The following PTPRG variants were observed in gnomAD, a reference collection of about 807,000 sequenced individuals.
PTPRG encodes receptor-type tyrosine-protein phosphatase gamma.
In PTPRG, 102 loss-of-function variants were observed where a neutral mutation model predicts 165.3. That is an observed-to-expected ratio of 0.62 (90% confidence interval 0.53 to 0.73). The LOEUF (loss-of-function observed/expected upper bound fraction) is 0.73, where lower values mean the gene tolerates loss of function less well. Among genes scored for constraint, PTPRG ranks in the 30% least tolerant of loss-of-function variants. The pLI, the probability that PTPRG is intolerant of heterozygous loss-of-function variation, is 0.00. For synonymous variants in PTPRG, 675 were observed against 669.5 expected (o/e 1.01, Z -0.13); for missense variants, 1,866 against 1,861.4 (o/e 1.00, Z -0.05).
At chr3:61,976,185 A>G (rs1038695409) in intron 2 of PTPRG, among the ~76,000 whole-genome samples, 13 of 152,220 alleles carry the variant, frequency 8.5e-5, no homozygotes, top group African/African-American at 3.1e-4. Context: ...AGAAATGAGG[A>G]TTCATAATAG....
chr3:61,860,380 C>CT (rs2037227300), intron 2 of PTPRG, among the ~76,000 whole-genome samples: 1 of 148,324 alleles, frequency 6.7e-6, no homozygotes, highest in African/African-American at 2.5e-5. Context: ...AAATACATGA[C>CT]TTTTCTCCCC....
intron 1 of PTPRG, among the ~76,000 whole-genome samples, chr3:61,719,664 T>G (rs2031965819): frequency 6.6e-6 from 1 of 152,170 alleles, no homozygotes; most frequent in African/African-American, 2.4e-5. Context: ...TGTTTCTTCC[T>G]CCCAGAAGTT....
intron 2 of PTPRG, among the ~76,000 whole-genome samples, chr3:61,828,273 G>T (rs2036170315): frequency 6.6e-6 from 1 of 152,148 alleles, no homozygotes; most frequent in South Asian, 2.1e-4. Context: ...TTTCCTATAT[G>T]CAGTCAAACC....
At chr3:61,944,173 C>T (rs181809952) in intron 2 of PTPRG, among the ~76,000 whole-genome samples, 16 of 152,150 alleles carry the variant, frequency 1.1e-4, no homozygotes, top group Admixed American at 5.2e-4. Flanking sequence ...GGGTCTCTAC[C>T]CACTAGATAA....
intron 2 of PTPRG, among the ~76,000 whole-genome samples, chr3:61,830,389 A>G (rs1258407288): frequency 6.6e-6 from 1 of 152,082 alleles, no homozygotes; most frequent in Admixed American, 6.6e-5. Flanking sequence ...CAACCATAAA[A>G]CCCAGAAATC....
intron 1 of PTPRG, among the ~76,000 whole-genome samples, chr3:61,623,143 A>G (rs1315676796): frequency 6.6e-6 from 1 of 152,176 alleles, no homozygotes; most frequent in Non-Finnish European, 1.5e-5. Flanking sequence ...TTGGAAGGGT[A>G]TGATAGATTT....
chr3:61,743,087 T>C (rs633429), intron 1 of PTPRG: 1,209,553 of 1,574,590 alleles, frequency 0.77, 465,211 homozygotes, highest in Middle Eastern at 0.8. Flanking sequence ...TACAGGGTGT[T>C]GCGAGAGACT....
intron 8 of PTPRG, among the ~76,000 whole-genome samples, chr3:62,189,734 G>A (rs572892036): frequency 1.3e-5 from 2 of 152,256 alleles, no homozygotes; most frequent in South Asian, 4.1e-4. Context: ...TCTACACTCA[G>A]CTGAAGTTCA....
intron 12 of PTPRG, among the ~76,000 whole-genome samples, chr3:62,208,403 G>A (rs1700280940): frequency 6.6e-6 from 1 of 152,118 alleles, no homozygotes; most frequent in Admixed American, 6.5e-5. Context: ...ATTTGGTGCT[G>A]GGATTTTCCA....
intron 1 of PTPRG, among the ~76,000 whole-genome samples, chr3:61,724,217 CAAAAA>C (rs1260061643): frequency 6.2e-5 from 8 of 128,758 alleles, no homozygotes; most frequent in East Asian, 2.6e-4. Flanking sequence ...CTCCCATCTC[CAAAAA>C]AAAAAAAAAG....
intron 2 of PTPRG, among the ~76,000 whole-genome samples, chr3:61,985,643 T>C (rs1490287434): frequency 6.6e-6 from 1 of 152,208 alleles, no homozygotes; most frequent in Non-Finnish European, 1.5e-5. Flanking sequence ...CAGCCCTGTC[T>C]AGGACTGAGC....
intron 5 of PTPRG, among the ~76,000 whole-genome samples, chr3:62,093,423 C>G (rs537991699): frequency 2.7e-4 from 41 of 152,302 alleles, no homozygotes; most frequent in Admixed American, 1.2e-3. Context: ...ATCAGACGTG[C>G]CATTGTCTGT....
intron 2 of PTPRG, among the ~76,000 whole-genome samples, chr3:61,882,715 C>T (rs2037919518): frequency 6.6e-6 from 1 of 152,164 alleles, no homozygotes; most frequent in Non-Finnish European, 1.5e-5. Context: ...ACTGCTTGTT[C>T]ACCTGTCTGT....
At chr3:61,741,202 T>G (rs1172411648) in intron 1 of PTPRG, among the ~76,000 whole-genome samples, 1 of 152,200 alleles carries the variant, frequency 6.6e-6, no homozygotes, top group Non-Finnish European at 1.5e-5. Context: ...TGAGGGATCT[T>G]TAATTTGTTT....
chr3:62,098,126 G>A (rs1053064311), intron 5 of PTPRG, among the ~76,000 whole-genome samples: 1 of 151,944 alleles, frequency 6.6e-6, no homozygotes, highest in Non-Finnish European at 1.5e-5. Context: ...CTTCTATAGG[G>A]CTTGACAATT....
chr3:61,740,710 C>G (rs959855761), intron 1 of PTPRG, among the ~76,000 whole-genome samples: 2 of 151,824 alleles, frequency 1.3e-5, no homozygotes, highest in African/African-American at 4.8e-5. Context: ...TCCTCTTTCC[C>G]TTGAATTGCC....
At chr3:61,705,008 G>A (rs1172237591) in intron 1 of PTPRG, among the ~76,000 whole-genome samples, 2 of 152,180 alleles carry the variant, frequency 1.3e-5, no homozygotes, top group East Asian at 3.9e-4. Context: ...TTAAAGCCAG[G>A]CAGCTCCTGG....
intron 1 of PTPRG, among the ~76,000 whole-genome samples, chr3:61,686,826 C>T (rs550947635): frequency 3.9e-5 from 6 of 152,154 alleles, no homozygotes; most frequent in Admixed American, 6.5e-5. Context: ...GGGCGTACAA[C>T]GGTATTTAGT....
intron 13 of PTPRG, among the ~76,000 whole-genome samples, chr3:62,220,888 C>G (rs368054763): frequency 1.3e-5 from 2 of 152,156 alleles, no homozygotes; most frequent in African/African-American, 4.8e-5. Context: ...TAAAGAAACA[C>G]TTTGTACCCA....
Sources: allele counts gnomAD v4.1 joint callset (sites outside exome capture counted in the v4.1 genomes callset), GRCh38; gene constraint gnomAD v4.1.1; transcripts MANE v1.5; gene names NCBI Gene and HGNC (gene_info 2026-07-23, HGNC 2026-07-21).